CARS2: variants seen among roughly 807,000 people sequenced by gnomAD.
CARS2 encodes the protein cysteinyl-tRNA synthetase 2, mitochondrial.
CARS2 carries 52 observed loss-of-function variants against 68.8 expected under a neutral mutation model. The ratio of observed to expected loss-of-function variants is 0.76; its 90% confidence interval spans 0.61 to 0.95. The LOEUF (loss-of-function observed/expected upper bound fraction) is 0.95. Ranked by LOEUF, CARS2 falls within the 40% of genes least tolerant of loss-of-function variation. CARS2 has a pLI of 0.00. For missense variants in CARS2, 780 were observed against 754.2 expected, an observed-to-expected ratio of 1.03 and a Z score of -0.40; for synonymous variants, 314 against 303.6, an observed-to-expected ratio of 1.03 and a Z score of -0.36.
rs1283957504 is a variant in CARS2, at chr13:110,683,084, C to A, written c.622G>T (p.Val208Phe). The A allele has an allele frequency of 6.2e-7, 1 of 1,602,244 alleles. No individual in the cohort carries two copies. Among genetic ancestry groups the A allele is most frequent in the South Asian group, 1.1e-5 (1 of 89,368 alleles). ...KSRGDKYGKL[V>F]GVVPGPVGEP... ...CCGACTGGACCAGGGACCACGCCGA[C>A]CAATTTGCCATACTTGTCTCCTCTA... Residue 208 changes from valine to phenylalanine, a missense_variant, in exon 6 of 15, where the codon GTC becomes TTC. Physicochemically the swap from Val to Phe is conservative, Grantham distance 50. Transcript: ENST00000257347.
intron 9 of CARS2, among the ~76,000 whole-genome samples, chr13:110,651,680 C>T (rs1283951105): frequency 1.3e-5 from 2 of 152,262 alleles, no homozygotes; most frequent in African/African-American, 4.8e-5. Flanking sequence ...TCTGGTTAAA[C>T]CTAAGTAAAA....
upstream of CARS2, chr13:110,706,515 C>G (rs2063964140): frequency 6.4e-6 from 1 of 155,084 alleles, no homozygotes; most frequent in African/African-American, 2.4e-5. Flanking sequence ...TAGCGAAGCA[C>G]GTGTGCATCC....
At chr13:110,682,993 A>C in intron 6 of CARS2, 58 bp downstream of exon 6, 1 of 1,236,346 alleles carries the variant, frequency 8.1e-7, no homozygotes, top group Non-Finnish European at 1.1e-6. Context: ...TCATCTCCCC[A>C]GAGCTGAGAC....
At chr13:110,712,398 C>G (rs2064037651) in intron 1 of CARS2, 1 of 188,296 alleles carries the variant, frequency 5.3e-6, no homozygotes, top group Non-Finnish European at 1.1e-5. Context: ...CTCGGGGCCA[C>G]CCCGGAGGGG....
intron 7 of CARS2, among the ~76,000 whole-genome samples, chr13:110,675,079 G>A (rs2062906909): frequency 6.6e-6 from 1 of 152,050 alleles, no homozygotes; most frequent in Non-Finnish European, 1.5e-5. Context: ...AGAGGATGTG[G>A]AGAAATAGGA....
At chr13:110,709,035 T>A (rs1324387633), upstream of CARS2, among the ~76,000 whole-genome samples, 2 of 151,622 alleles carry the variant, frequency 1.3e-5, no homozygotes, top group African/African-American at 2.4e-5. Context: ...GCGGTGGGAA[T>A]ACCGGCCTAA....
Position 110,644,126 on chromosome 13 carries a change from C to T in CARS2, c.1416+259G>A, listed in dbSNP as rs772144607. The T allele has an allele frequency of 7.3e-5, 101 of 1,384,246 alleles. 1 individual carries two copies. The highest frequency in any genetic ancestry group is 1.9e-4 in the Middle Eastern group (1 of 5,264). The allele number at this position is 1,384,246 out of a possible 1,614,324, so 85.7% of individuals were successfully genotyped here. ...AACATAAACGTGTGTGCAGAGCTGG[C>T]GACATTCTGTTGCTGAGATGGACTC... On this transcript the variant is annotated intron_variant, in intron 13 of 14. Coordinates refer to ENST00000257347, the MANE Select transcript of CARS2 (RefSeq NM_024537.4).
intron 9 of CARS2, among the ~76,000 whole-genome samples, chr13:110,651,580 C>T (rs753498955): frequency 2.0e-5 from 3 of 152,222 alleles, no homozygotes; most frequent in Non-Finnish European, 4.4e-5. Context: ...GGGCGACAGC[C>T]TCACTCATCC....
At chr13:110,684,914 T>A (rs1449458130) in intron 5 of CARS2, among the ~76,000 whole-genome samples, 2 of 152,178 alleles carry the variant, frequency 1.3e-5, no homozygotes, top group Non-Finnish European at 1.5e-5. Context: ...AAGTCCAAAT[T>A]ACTGGGGTTT....
rs1045017342 is a variant in CARS2 at position 110,665,542 on chromosome 13, C to T, written c.919+1798G>A. On this transcript the variant is annotated intron_variant, in intron 8 of 14. Coordinates refer to ENST00000257347, the MANE Select transcript of CARS2 (RefSeq NM_024537.4). This position sits in a 1 kb window ranked among gnomAD's most constrained non-coding sequence, Gnocchi z 4.3. ...CTCCTCATTACCTGACAGGACGAAG[C>T]GTTGGCACAGCTAAGGCTGCCCTTC... 3.0e-6 allele frequency: 3 copies of T among 985,396 alleles called. No individual in the cohort carries two copies. Among genetic ancestry groups the T allele is most frequent in the Non-Finnish European group, 3.6e-6 (3 of 829,980 alleles). 61.0% of individuals were successfully genotyped at this position (985,396 alleles called of 1,614,324 possible). A position where few individuals can be genotyped will look rare whatever the true frequency, so the allele number is the denominator to read the frequency against.
rs528593657 is a variant in CARS2 at position 110,653,917 on chromosome 13, C to T, written c.988-2817G>A. Among the ~76,000 whole-genome samples, 97 of 152,352 alleles carry T rather than the reference C, an allele frequency of 6.4e-4. 1 individual carries two copies. Among genetic ancestry groups the T allele is most frequent in the Admixed American group, 6.0e-3 (92 of 15,308 alleles). ...ATATCAGCAAGTTTCTATACTACTC[C>T]GGTTCCACCGTGCAACCTGCCACGG... On this transcript the variant is annotated intron_variant, in intron 9 of 14. Coordinates refer to ENST00000257347, the MANE Select transcript of CARS2 (RefSeq NM_024537.4). The surrounding 1 kb of genome is among the most constrained non-coding windows in gnomAD (Gnocchi z 5.6).
chr13:110,650,956 A>G (rs748944531), intron 10 of CARS2, 78 bp downstream of exon 10: 4 of 1,039,540 alleles, frequency 3.8e-6, no homozygotes, highest in Non-Finnish European at 5.9e-6. Context: ...TCTGGCCTGC[A>G]TTTTGCTGTT....
chr13:110,688,063 G>A (rs765062588), intron 3 of CARS2, 45 bp from the exon 4 acceptor site: 16 of 1,343,766 alleles, frequency 1.2e-5, no homozygotes, highest in Admixed American at 1.9e-5. Flanking sequence ...TGGGGCATTC[G>A]CAACAGAACC....
chr13:110,662,117 T>G (rs2062518260), intron 9 of CARS2, among the ~76,000 whole-genome samples: 1 of 152,242 alleles, frequency 6.6e-6, no homozygotes, highest in African/African-American at 2.4e-5. Context: ...ATCTGCGAAG[T>G]GCGGTCAAGT....
intron 6 of CARS2, among the ~76,000 whole-genome samples, chr13:110,679,448 TGAGCTCGG>T (rs2063072036): frequency 6.6e-6 from 1 of 151,260 alleles, no homozygotes. Context: ...GAGAATCGCT[TGAGCTCGG>T]GAGGCGGAGG....
chr13:110,672,570 G>A (rs146195359), intron 7 of CARS2, among the ~76,000 whole-genome samples: 1 of 152,310 alleles, frequency 6.6e-6, no homozygotes, highest in African/African-American at 2.4e-5. Context: ...AAAGCAGTGT[G>A]TAGAGGGAAA....
At chr13:110,644,325 G>T in intron 13 of CARS2, 60 bp downstream of exon 13, 10 of 1,507,506 alleles carry the variant, frequency 6.6e-6, no homozygotes, top group Non-Finnish European at 9.2e-6. Flanking sequence ...AAAGGGTAAA[G>T]GTTATTGTCC....
chr13:110,657,673 C>T (rs2062405250), intron 9 of CARS2, among the ~76,000 whole-genome samples: 1 of 152,192 alleles, frequency 6.6e-6, no homozygotes, highest in South Asian at 2.1e-4. Context: ...ATTAGACAAC[C>T]ATGACTTTGC....
chr13:110,701,149 GC>G (rs759746380), intron 3 of CARS2, among the ~76,000 whole-genome samples: 3 of 151,460 alleles, frequency 2.0e-5, no homozygotes, highest in South Asian at 2.1e-4. Flanking sequence ...TGCAACCTTC[GC>G]CCCCCCAGGG....
Sources: gnomAD v4.1 joint callset for allele counts (sites outside exome capture counted in the v4.1 genomes callset) on GRCh38, gnomAD v4.1.1 for gene constraint, Gnocchi (gnomAD v3.1) non-coding constraint, MANE v1.5 for transcripts, NCBI Gene and HGNC (gene_info 2026-07-23, HGNC 2026-07-21) for gene names.